INTS9: variants seen among roughly 807,000 people sequenced by gnomAD.
INTS9 encodes the protein integrator complex subunit 9.
INTS9 carries 55 observed loss-of-function variants against 79.7 expected under a neutral mutation model. The ratio of observed to expected loss-of-function variants is 0.69; its 90% confidence interval spans 0.56 to 0.86. INTS9 has a LOEUF of 0.86. INTS9 is among the 40% of genes least tolerant of loss of function. The probability of loss-of-function intolerance (pLI) is 0.00; values close to 1 mark genes in which losing one functional copy is unlikely to be tolerated. For missense variants in INTS9, 721 were observed against 831.5 expected, an observed-to-expected ratio of 0.87 and a Z score of 1.64; for synonymous variants, 319 against 325.2, an observed-to-expected ratio of 0.98 and a Z score of 0.20.
At chr8:28,846,917 A>C in intron 3 of INTS9, 108 bp from the exon 4 acceptor site, 1 of 827,920 alleles carries the variant, frequency 1.2e-6, no homozygotes, top group Non-Finnish European at 2.0e-6. Flanking sequence ...ATAGACTACT[A>C]GAGCTGGAGG....
intron 9 of INTS9, among the ~76,000 whole-genome samples, chr8:28,795,305 G>T (rs1240587230): frequency 6.6e-6 from 1 of 152,142 alleles, no homozygotes; most frequent in Non-Finnish European, 1.5e-5. Flanking sequence ...TTTAGATGAG[G>T]TCGAGGGTGC....
rs150751334 is a variant in INTS9 at position 28,770,000 on chromosome 8, C to G, written c.1689G>C (p.Thr563=). The G allele has an allele frequency of 4.3e-6, 7 of 1,613,968 alleles. No individual in the cohort carries two copies. In the Admixed American group the frequency reaches 6.7e-5, roughly 15 times the overall value. The change falls in exon 16 of 17, where the codon ACG becomes ACC. Residue 563 remains threonine, a synonymous_variant. Transcript: ENST00000521022. ...LQPPPRPAQP[T]SGKKRKRVSD... ...TCACCCGCTTTCTCTTCTTCCCGCT[C>G]GTGGGCTGGGCGGGCCGAGGAGGGG...
At chr8:28,882,537 AAAAAAAAAAAG>A (rs1809942302) in intron 1 of INTS9, among the ~76,000 whole-genome samples, 1 of 144,800 alleles carries the variant, frequency 6.9e-6, no homozygotes, top group African/African-American at 2.6e-5. Context: ...ACAGCTAAAA[AAAAAAAAAAAG>A]AAAAAAAAAA....
At chr8:28,869,442 A>G (rs1485563436) in intron 1 of INTS9, among the ~76,000 whole-genome samples, 1 of 152,212 alleles carries the variant, frequency 6.6e-6, no homozygotes, top group Non-Finnish European at 1.5e-5. Flanking sequence ...CGCTGCCATC[A>G]GTAAATGCAG....
intron 16 of INTS9, among the ~76,000 whole-genome samples, chr8:28,768,915 T>TG: frequency 6.6e-6 from 1 of 152,322 alleles, no homozygotes; most frequent in Admixed American, 6.5e-5. Context: ...CCTAGGGACT[T>TG]GGACAGGTGC....
At chr8:28,847,780 G>A (rs1201861498) in intron 3 of INTS9, among the ~76,000 whole-genome samples, 1 of 152,214 alleles carries the variant, frequency 6.6e-6, no homozygotes, top group African/African-American at 2.4e-5. Context: ...GAAGTGATCA[G>A]TGCAAAGGAA....
intron 3 of INTS9, among the ~76,000 whole-genome samples, chr8:28,849,028 G>C (rs781599172): frequency 6.6e-6 from 1 of 152,124 alleles, no homozygotes; most frequent in Non-Finnish European, 1.5e-5. Flanking sequence ...TTATGCATTT[G>C]GCTTGTACTT....
At chr8:28,789,665 G>A (rs1025890303) in intron 10 of INTS9, among the ~76,000 whole-genome samples, 2 of 152,084 alleles carry the variant, frequency 1.3e-5, no homozygotes, top group African/African-American at 2.4e-5. Context: ...AGGCCAAGGC[G>A]GGCAGATCAC....
chr8:28,791,488 T>C, intron 10 of INTS9, among the ~76,000 whole-genome samples: 1 of 152,190 alleles, frequency 6.6e-6, no homozygotes, highest in East Asian at 1.9e-4. Flanking sequence ...ACCCAACTCA[T>C]CCTTAAATAG....
chr8:28,814,708 A>T (rs1470546693), intron 6 of INTS9, among the ~76,000 whole-genome samples: 1 of 152,180 alleles, frequency 6.6e-6, no homozygotes, highest in Admixed American at 6.5e-5. Context: ...CAACTGAGAC[A>T]GCCTTCCTAA....
chr8:28,866,426 A>G (rs1175913764), intron 1 of INTS9, among the ~76,000 whole-genome samples: 2 of 152,016 alleles, frequency 1.3e-5, no homozygotes. Flanking sequence ...TATCTGTACT[A>G]TAAGGGGAGC....
At chr8:28,776,489 G>T (rs991532668) in intron 13 of INTS9, among the ~76,000 whole-genome samples, 5 of 143,180 alleles carry the variant, frequency 3.5e-5, no homozygotes, top group African/African-American at 1.3e-4. Flanking sequence ...GAGAAAAAAA[G>T]ATTAGTAAAC....
intron 8 of INTS9, among the ~76,000 whole-genome samples, chr8:28,797,695 G>A (rs906908062): frequency 6.6e-6 from 1 of 152,178 alleles, no homozygotes; most frequent in Non-Finnish European, 1.5e-5. Flanking sequence ...GGATTGAGAA[G>A]CTGGAGAGCT....
chr8:28,771,700 G>A (rs1194221517), intron 14 of INTS9, among the ~76,000 whole-genome samples: 2 of 152,220 alleles, frequency 1.3e-5, no homozygotes, highest in African/African-American at 2.4e-5. Flanking sequence ...AGCGTGAAGC[G>A]GCCCTTGCCG....
chr8:28,881,727 C>A (rs1809832733), intron 1 of INTS9, among the ~76,000 whole-genome samples: 3 of 148,856 alleles, frequency 2.0e-5, no homozygotes, highest in South Asian at 2.1e-4. Context: ...CCCCTTCCGG[C>A]CGGCCGCCCC....
intron 1 of INTS9, among the ~76,000 whole-genome samples, chr8:28,884,168 C>CTTTTTTTTTTTT (rs35799882): frequency 4.3e-5 from 2 of 46,976 alleles, no homozygotes; most frequent in African/African-American, 8.9e-5. Context: ...ATCAGTGTAT[C>CTTTTTTTTTTTT]TTTTTTTTTT....
chr8:28,857,770 T>C (rs1808254277), intron 2 of INTS9, among the ~76,000 whole-genome samples: 1 of 152,130 alleles, frequency 6.6e-6, no homozygotes, highest in South Asian at 2.1e-4. Context: ...TTCCCTGCCT[T>C]TATGAAACTT....
In INTS9 at chr8:28,858,155, G is replaced by A. The variant is rs558229955; in HGVS notation, c.137+1281C>T. On this transcript the variant is annotated intron_variant, in intron 2 of 16. Transcript: ENST00000521022. ...GGAAATTCATGACCCCACAGAGCAG[G>A]TTGGGCTCCCTTTTGGAATCTCTCA... Among the ~76,000 whole-genome samples, 81 of 152,270 alleles carry A rather than the reference G, an allele frequency of 5.3e-4. 1 individual carries two copies. In the South Asian group the frequency reaches 0.011, roughly 21 times the overall value.
At chr8:28,804,520 A>C (rs144943120) in intron 8 of INTS9, among the ~76,000 whole-genome samples, 322 of 151,756 alleles carry the variant, frequency 2.1e-3, no homozygotes, top group Non-Finnish European at 3.5e-3. Flanking sequence ...GGTTCACAGA[A>C]CACCAAGCCA....
Sources: gnomAD v4.1 joint callset for allele counts (sites outside exome capture counted in the v4.1 genomes callset) on GRCh38, gnomAD v4.1.1 for gene constraint, MANE v1.5 for transcripts, NCBI Gene and HGNC (gene_info 2026-07-23, HGNC 2026-07-21) for gene names.